Variants in AK5 observed in about 807,000 individuals in gnomAD.
AK5 encodes the protein adenylate kinase isoenzyme 5.
A neutral mutation model predicts 69.5 loss-of-function variants in AK5; 27 were observed. The ratio of observed to expected loss-of-function variants is 0.39; its 90% CI spans 0.29 to 0.54. The LOEUF (loss-of-function observed/expected upper bound fraction) is 0.54. AK5 is among the 20% of genes least tolerant of loss of function. The pLI is 0.71. For missense variants in AK5, 531 were observed against 700.4 expected, an observed-to-expected ratio of 0.76 and a Z score of 2.73; for synonymous variants, 260 against 244.4, an observed-to-expected ratio of 1.06 and a Z score of -0.60.
chr1:77,286,448 A>G (rs1436872821), intron 1 of AK5, among the ~76,000 whole-genome samples: 1 of 151,412 alleles, frequency 6.6e-6, no homozygotes, highest in Non-Finnish European at 1.5e-5. Flanking sequence ...GATTATCTTA[A>G]TGACTCCATC....
intron 5 of AK5, among the ~76,000 whole-genome samples, chr1:77,308,178 A>G (rs1659746617): frequency 2.0e-5 from 3 of 152,120 alleles, no homozygotes; most frequent in African/African-American, 4.8e-5. Context: ...TTTGATAGAC[A>G]ACTAGGAGTC....
intron 6 of AK5, among the ~76,000 whole-genome samples, chr1:77,373,442 T>A (rs897843513): frequency 6.6e-6 from 1 of 152,188 alleles, no homozygotes; most frequent in African/African-American, 2.4e-5. Flanking sequence ...AACATATGAT[T>A]GAGGCCAGCT....
At chr1:77,383,810 C>G (rs949173749) in intron 6 of AK5, among the ~76,000 whole-genome samples, 3 of 151,818 alleles carry the variant, frequency 2.0e-5, no homozygotes, top group Non-Finnish European at 4.4e-5. Context: ...GAGTAGCTAT[C>G]AACATTAAGA....
intron 11 of AK5, among the ~76,000 whole-genome samples, chr1:77,519,802 CTTGGTTTTGG>C (rs1657880241): frequency 6.6e-6 from 1 of 152,154 alleles, no homozygotes; most frequent in Non-Finnish European, 1.5e-5. Context: ...TTGTTGCCAT[CTTGGTTTTGG>C]TGGGTTTTAC....
chr1:77,470,294 C>G (rs1305519371), intron 8 of AK5, among the ~76,000 whole-genome samples: 2 of 152,158 alleles, frequency 1.3e-5, no homozygotes, highest in African/African-American at 4.8e-5. Flanking sequence ...CACTTGAGCT[C>G]AGGAGTTCAA....
intron 6 of AK5, among the ~76,000 whole-genome samples, chr1:77,355,904 C>CACACAT (rs1238337604): frequency 6.9e-5 from 8 of 115,442 alleles, no homozygotes; most frequent in African/African-American, 2.4e-4. Flanking sequence ...CACACACACA[C>CACACAT]ATATATATAT....
intron 8 of AK5, among the ~76,000 whole-genome samples, chr1:77,458,072 A>C (rs1254502079): frequency 6.7e-6 from 1 of 149,762 alleles, no homozygotes; most frequent in East Asian, 2.0e-4. Flanking sequence ...ACTTCACTCC[A>C]GCTTGAGAGG....
chr1:77,489,996 C>G (rs1222210486), intron 10 of AK5, among the ~76,000 whole-genome samples: 2 of 152,192 alleles, frequency 1.3e-5, no homozygotes, highest in Non-Finnish European at 2.9e-5. Flanking sequence ...GCTGTAATCA[C>G]CATCCTTCCT....
chr1:77,539,521 C>T (rs1659160779), intron 13 of AK5, among the ~76,000 whole-genome samples: 1 of 152,148 alleles, frequency 6.6e-6, no homozygotes, highest in Non-Finnish European at 1.5e-5. Flanking sequence ...GATGAACAGT[C>T]CTCCCTACAC....
At chr1:77,289,135 G>A (rs1658531590) in intron 2 of AK5, among the ~76,000 whole-genome samples, 1 of 152,126 alleles carries the variant, frequency 6.6e-6, no homozygotes, top group African/African-American at 2.4e-5. Flanking sequence ...AAATCAGCAG[G>A]ATTTCTGGTT....
intron 5 of AK5, among the ~76,000 whole-genome samples, chr1:77,335,808 T>C (rs1026281403): frequency 2.0e-5 from 3 of 152,126 alleles, no homozygotes; most frequent in Non-Finnish European, 4.4e-5. Flanking sequence ...TATCTATTTA[T>C]CCAGGCTTAA....
intron 6 of AK5, among the ~76,000 whole-genome samples, chr1:77,356,472 G>A (rs961443024): frequency 1.3e-5 from 2 of 152,174 alleles, no homozygotes; most frequent in Non-Finnish European, 2.9e-5. Context: ...TAAAAACTCA[G>A]AAGTCAGGGG....
chr1:77,496,898 G>T (rs552655741), intron 10 of AK5, among the ~76,000 whole-genome samples: 1 of 151,934 alleles, frequency 6.6e-6, no homozygotes, highest in Non-Finnish European at 1.5e-5. Flanking sequence ...TAATTGGCAC[G>T]CTGTAAAATG....
rs533663366 is a variant in AK5 at position 77,444,171 on chromosome 1, C to A, written c.1059+26456C>A. Reference sequence around the variant, plus strand: ...TTATTCTCTCTCTCTCTCACTCTCTCTCTATATATATGTCAGATAAGTGGT... The same window carrying A: ...TTATTCTCTCTCTCTCTCACTCTCTATCTATATATATGTCAGATAAGTGGT... On this transcript the variant is annotated intron_variant, in intron 8 of 13. Coordinates refer to ENST00000354567, the MANE Select transcript of AK5 (RefSeq NM_174858.3). 9.0e-3 allele frequency among the ~76,000 whole-genome samples: 1,274 copies of A among 141,586 alleles called. 31 individuals carry two copies. The highest frequency in any genetic ancestry group is 0.03 in the African/African-American group (1,136 of 37,388). The allele number at this position is 141,586 out of a possible 152,430, so 92.9% of individuals were successfully genotyped here. A position where few individuals can be genotyped will look rare whatever the true frequency, so the allele number is the denominator to read the frequency against.
rs1423778587 is a variant in AK5 at position 77,435,932 on chromosome 1, A to G, written c.1059+18217A>G. On this transcript the variant is annotated intron_variant, in intron 8 of 13. Transcript: ENST00000354567. Reference sequence around the variant, plus strand: ...ACACAAAACTCCTTTTATAAAATTCATCCCTCAAAAACCTTTCACGATCTG... The same window carrying G: ...ACACAAAACTCCTTTTATAAAATTCGTCCCTCAAAAACCTTTCACGATCTG... 2.6e-5 allele frequency among the ~76,000 whole-genome samples: 4 copies of G among 152,210 alleles called. No individual in the cohort carries two copies. The East Asian group carries it at 7.7e-4, about 29-fold the overall frequency.
intron 6 of AK5, among the ~76,000 whole-genome samples, chr1:77,408,127 T>C (rs1177368094): frequency 2.0e-5 from 3 of 152,232 alleles, no homozygotes; most frequent in Admixed American, 2.0e-4. Flanking sequence ...GAATGATTTA[T>C]TTTCTTTGGA....
chr1:77,299,872 A>G (rs747595342), intron 5 of AK5, among the ~76,000 whole-genome samples: 6 of 152,120 alleles, frequency 3.9e-5, no homozygotes, highest in Non-Finnish European at 8.8e-5. Context: ...TAAACATGCT[A>G]TGTTGAATAT....
intron 8 of AK5, among the ~76,000 whole-genome samples, chr1:77,470,127 G>A (rs1254490936): frequency 6.6e-6 from 1 of 152,202 alleles, no homozygotes; most frequent in Non-Finnish European, 1.5e-5. Context: ...AAAGGATAAT[G>A]AAGCTTACCT....
chr1:77,454,572 TTTTG>T (rs1653358848), intron 8 of AK5, among the ~76,000 whole-genome samples: 1 of 152,264 alleles, frequency 6.6e-6, no homozygotes, highest in African/African-American at 2.4e-5. Flanking sequence ...ACCATAGCTA[TTTTG>T]TTTAATTTAT....
Sources: gnomAD v4.1 joint callset for allele counts (sites outside exome capture counted in the v4.1 genomes callset) on GRCh38, gnomAD v4.1.1 for gene constraint, MANE v1.5 for transcripts, NCBI Gene and HGNC (gene_info 2026-07-23, HGNC 2026-07-21) for gene names.